Variants in SVOP observed in about 807,000 individuals in gnomAD.
SVOP encodes synaptic vesicle 2-related protein.
Under a neutral mutation model 69.1 loss-of-function variants are expected in SVOP, and 17 were observed. That is an observed-to-expected ratio of 0.25 (90% CI 0.17 to 0.37). SVOP has a LOEUF of 0.37. SVOP is among the 10% of genes least tolerant of loss of function. The pLI, the probability that SVOP is intolerant of heterozygous loss-of-function variation, is 1.00. For missense variants in SVOP, 435 were observed against 597.5 expected (o/e 0.73, Z 2.84); for synonymous variants, 238 against 238.6 (o/e 1.00, Z 0.02).
chr12:108,985,216 G>T (rs1047057401), intron 1 of SVOP, among the ~76,000 whole-genome samples: 1 of 150,444 alleles, frequency 6.6e-6, no homozygotes, highest in East Asian at 2.0e-4. Flanking sequence ...AACAGAGAGA[G>T]ACCCTATCTG....
At chr12:108,953,427 C>T (rs1031915154) in intron 6 of SVOP, among the ~76,000 whole-genome samples, 4 of 152,122 alleles carry the variant, frequency 2.6e-5, no homozygotes, top group African/African-American at 4.8e-5. Context: ...GGATTACAGG[C>T]GTGATCACCA....
chr12:109,007,858 C>A (rs1324218353), intron 1 of SVOP, among the ~76,000 whole-genome samples: 5 of 152,078 alleles, frequency 3.3e-5, no homozygotes, highest in African/African-American at 1.2e-4. Context: ...GGCAACATGG[C>A]AAGACCATGT....
intron 1 of SVOP, among the ~76,000 whole-genome samples, chr12:108,998,525 T>C (rs1032551139): frequency 1.3e-5 from 2 of 151,600 alleles, no homozygotes; most frequent in Admixed American, 1.3e-4. Flanking sequence ...TCACCAAAGT[T>C]GAAATGAAGG....
chr12:108,920,706 C>T (rs947066014), intron 12 of SVOP, among the ~76,000 whole-genome samples: 8 of 149,850 alleles, frequency 5.3e-5, no homozygotes, highest in Non-Finnish European at 1.2e-4. Context: ...CAAGCGATTC[C>T]TGTGCCTCAG....
intron 2 of SVOP, among the ~76,000 whole-genome samples, 157 bp from the exon 3 acceptor site, chr12:108,978,820 A>G (rs952833098): frequency 1.3e-5 from 2 of 152,378 alleles, no homozygotes; most frequent in Admixed American, 6.5e-5. Flanking sequence ...GTGAAGTGAT[A>G]TCCTACAACT....
chr12:108,998,569 G>C (rs956859824), intron 1 of SVOP, among the ~76,000 whole-genome samples: 1 of 151,958 alleles, frequency 6.6e-6, no homozygotes, highest in Non-Finnish European at 1.5e-5. Context: ...GAGAAAGGTC[G>C]GGTTACCCTC....
In SVOP at chr12:108,922,675, G is replaced by A; in HGVS notation, c.1156+15C>T. ...GGCTTGCCTGACACAGCTTCACCTTGCACAGGTCCCTCACCTGGAAACTCA... is the reference window on the plus strand; with the variant it reads ...GGCTTGCCTGACACAGCTTCACCTTACACAGGTCCCTCACCTGGAAACTCA... On this transcript the variant is annotated intron_variant, in intron 12 of 15. Coordinates refer to ENST00000610966, the MANE Select transcript of SVOP (RefSeq NM_018711.5). The A allele has an allele frequency of 6.3e-7, 1 of 1,579,214 alleles. No individual in the cohort carries two copies. Among genetic ancestry groups the A allele is most frequent in the African/African-American group, 1.3e-5 (1 of 74,370 alleles).
intron 11 of SVOP, among the ~76,000 whole-genome samples, chr12:108,928,044 T>A (rs2039792470): frequency 6.6e-6 from 1 of 151,870 alleles, no homozygotes; most frequent in Non-Finnish European, 1.5e-5. Flanking sequence ...TAGCTGGGAT[T>A]ACAGGCACAT....
chr12:108,944,223 G>A (rs139124374), intron 7 of SVOP, among the ~76,000 whole-genome samples: 2,594 of 151,560 alleles, frequency 0.017, 32 homozygotes, highest in Middle Eastern at 0.082. Flanking sequence ...TGCCACTCAG[G>A]CTGGAGTGCA....
Position 108,960,987 on chromosome 12 carries a change from C to T in SVOP, c.514G>A (p.Val172Met), listed in dbSNP as rs1178496058. Residue 172 changes from valine to methionine, a missense_variant, in exon 6 of 16, where the codon GTG (valine) becomes ATG (methionine). By Grantham distance (21) the Val-to-Met change is conservative. Transcript: ENST00000610966. ...CGGAGCACCAGGATCCAGCTATACA[C>T]GGGCGCAAATGCACTAAGGATGCCA... Reference protein sequence around the residue: ...YYGILSAFAPVYSWILVLRGL... With the variant: ...YYGILSAFAPMYSWILVLRGL... 22 of 1,537,012 alleles carry T rather than the reference C, an allele frequency of 1.4e-5. No homozygotes were observed. Among genetic ancestry groups the T allele is most frequent in the African/African-American group, 1.4e-4 (10 of 73,024 alleles).
At chr12:109,017,023 T>C (rs1165947527) in intron 1 of SVOP, among the ~76,000 whole-genome samples, 4 of 152,168 alleles carry the variant, frequency 2.6e-5, no homozygotes, top group African/African-American at 7.2e-5. Context: ...ATGTGTTCAG[T>C]GTCCTCCCTC....
intron 3 of SVOP, 28 bp downstream of exon 3, chr12:108,978,550 T>A (rs1241436670): frequency 2.8e-6 from 2 of 702,414 alleles, no homozygotes; most frequent in Non-Finnish European, 5.2e-6. Flanking sequence ...TCTTGGAGGC[T>A]GAGCCACTGC....
At chr12:108,939,290 G>A (rs771539848) in intron 8 of SVOP, among the ~76,000 whole-genome samples, 9 of 152,042 alleles carry the variant, frequency 5.9e-5, no homozygotes, top group South Asian at 2.1e-4. Flanking sequence ...TTATTGTCAC[G>A]GTTGCTATTA....
intron 6 of SVOP, among the ~76,000 whole-genome samples, chr12:108,949,893 A>G (rs922700373): frequency 6.6e-6 from 1 of 152,020 alleles, no homozygotes; most frequent in African/African-American, 2.4e-5. Flanking sequence ...AAGAATTTAA[A>G]CTTCCCGGGA....
intron 15 of SVOP, among the ~76,000 whole-genome samples, chr12:108,913,849 C>T (rs1003160509): frequency 6.6e-6 from 1 of 152,140 alleles, no homozygotes; most frequent in Non-Finnish European, 1.5e-5. Context: ...TGGAGTCTCA[C>T]CAAATTGACC....
chr12:109,011,322 G>A (rs1469241554), intron 1 of SVOP, among the ~76,000 whole-genome samples: 1 of 152,240 alleles, frequency 6.6e-6, no homozygotes, highest in African/African-American at 2.4e-5. Context: ...AAATGAAGGG[G>A]TGTGAGCAAC....
intron 1 of SVOP, among the ~76,000 whole-genome samples, chr12:109,007,321 T>C (rs542409377): frequency 3.3e-5 from 5 of 152,210 alleles, no homozygotes; most frequent in African/African-American, 1.2e-4. Flanking sequence ...ACTTGCTTTG[T>C]CTCCTTCAAG....
intron 6 of SVOP, among the ~76,000 whole-genome samples, chr12:108,950,387 C>A (rs1307304476): frequency 6.8e-6 from 1 of 146,126 alleles, no homozygotes; most frequent in East Asian, 2.1e-4. Flanking sequence ...CCAAGAATTA[C>A]TCTTTTTTTC....
chr12:108,950,715 C>A (rs1249849222), intron 6 of SVOP, among the ~76,000 whole-genome samples: 1 of 152,182 alleles, frequency 6.6e-6, no homozygotes, highest in Non-Finnish European at 1.5e-5. Flanking sequence ...GCATAGTCTT[C>A]CTCACCTCGG....
Sources: allele counts gnomAD v4.1 joint callset (sites outside exome capture counted in the v4.1 genomes callset), GRCh38; gene constraint gnomAD v4.1.1; transcripts MANE v1.5; gene names NCBI Gene and HGNC (gene_info 2026-07-23, HGNC 2026-07-21).